The following AATF variants were observed in gnomAD, a reference collection of about 807,000 sequenced individuals.
AATF encodes the protein protein AATF.
Under a neutral mutation model 63.7 loss-of-function variants are expected in AATF, and 48 were observed. That is an observed-to-expected ratio of 0.75 (90% confidence interval 0.60 to 0.96). The LOEUF is 0.96. Among genes scored for constraint, AATF ranks in the 40% least tolerant of loss-of-function variants. The pLI is 0.00. For synonymous variants in AATF, 258 were observed against 247.7 expected, an observed-to-expected ratio of 1.04 and a Z score of -0.39; for missense variants, 639 against 685.7, an observed-to-expected ratio of 0.93 and a Z score of 0.76.
intron 7 of AATF, 125 bp from the exon 8 acceptor site, chr17:36,990,649 T>C: frequency 1.6e-6 from 1 of 638,820 alleles, no homozygotes; most frequent in Non-Finnish European, 2.6e-6. Context: ...TGTTTTTTAA[T>C]TTTAAGAACT....
intron 4 of AATF, among the ~76,000 whole-genome samples, chr17:36,956,264 G>A (rs986216364): frequency 2.6e-5 from 4 of 152,230 alleles, no homozygotes; most frequent in African/African-American, 7.2e-5. Context: ...TCTAAGGTGG[G>A]AGGGTAGGGA....
intron 8 of AATF, among the ~76,000 whole-genome samples, chr17:37,011,220 C>T (rs1208828304): frequency 2.0e-5 from 3 of 151,990 alleles, no homozygotes; most frequent in Non-Finnish European, 4.4e-5. Context: ...AAAATTTATA[C>T]AAAAATTAGC....
chr17:37,036,916 G>T (rs1364633787), intron 11 of AATF, among the ~76,000 whole-genome samples: 1 of 151,804 alleles, frequency 6.6e-6, no homozygotes, highest in Non-Finnish European at 1.5e-5. Flanking sequence ...AAGGGAGGAG[G>T]TTACCATAAG....
At chr17:36,981,752 G>A (rs1229962787) in intron 4 of AATF, among the ~76,000 whole-genome samples, 2 of 127,772 alleles carry the variant, frequency 1.6e-5, no homozygotes, top group Non-Finnish European at 3.2e-5. Context: ...TATATAGGCA[G>A]GTCTCAAACT....
intron 4 of AATF, among the ~76,000 whole-genome samples, chr17:36,977,158 C>T (rs1204867508): frequency 6.6e-6 from 1 of 152,114 alleles, no homozygotes; most frequent in Non-Finnish European, 1.5e-5. Context: ...TTCTGCCATG[C>T]GACTTAGGCA....
chr17:37,054,274 G>T (rs1458915325), intron 11 of AATF, among the ~76,000 whole-genome samples: 1 of 152,214 alleles, frequency 6.6e-6, no homozygotes, highest in African/African-American at 2.4e-5. Context: ...GGGAGTGGAA[G>T]AGTCAGCCAG....
chr17:37,038,511 T>C (rs1294775903), intron 11 of AATF, among the ~76,000 whole-genome samples: 1 of 152,078 alleles, frequency 6.6e-6, no homozygotes, highest in East Asian at 1.9e-4. Context: ...CCAAAGAAAA[T>C]AGGTGTTTGC....
At chr17:36,980,577 G>T (rs985500743) in intron 4 of AATF, among the ~76,000 whole-genome samples, 1 of 152,182 alleles carries the variant, frequency 6.6e-6, no homozygotes, top group Non-Finnish European at 1.5e-5. Flanking sequence ...TTATTCACAG[G>T]GTTGAACAGC....
At chr17:37,007,345 A>G (rs1358115993) in intron 8 of AATF, among the ~76,000 whole-genome samples, 1 of 144,654 alleles carries the variant, frequency 6.9e-6, no homozygotes, top group African/African-American at 2.6e-5. Flanking sequence ...ATGCCACCAC[A>G]CCTGGCTAAT....
chr17:37,014,437 G>A (rs1349857576), intron 8 of AATF, among the ~76,000 whole-genome samples: 4 of 152,200 alleles, frequency 2.6e-5, no homozygotes, highest in South Asian at 4.2e-4. Flanking sequence ...TATGTAGGGC[G>A]ACTGTATAAT....
intron 11 of AATF, among the ~76,000 whole-genome samples, chr17:37,051,415 C>T (rs1478041090): frequency 5.3e-5 from 8 of 152,116 alleles, no homozygotes; most frequent in Admixed American, 3.9e-4. Context: ...TAATATGCTC[C>T]TTTGTACTGT....
intron 4 of AATF, among the ~76,000 whole-genome samples, chr17:36,981,537 G>A (rs767155525): frequency 6.6e-6 from 1 of 151,494 alleles, no homozygotes; most frequent in Non-Finnish European, 1.5e-5. Flanking sequence ...TCGAACTCCT[G>A]GGCTCAAGTG....
intron 8 of AATF, among the ~76,000 whole-genome samples, chr17:37,002,201 C>CAAA (rs34123922): frequency 9.2e-5 from 7 of 76,412 alleles, no homozygotes; most frequent in Admixed American, 2.9e-4. Context: ...GACTCCGTCT[C>CAAA]AAAAAAAAAA....
chr17:36,983,473 G>A (rs1043070417), intron 4 of AATF, among the ~76,000 whole-genome samples: 1 of 151,882 alleles, frequency 6.6e-6, no homozygotes, highest in African/African-American at 2.4e-5. Flanking sequence ...TCAGCCTCCC[G>A]AGTAGCTGAG....
rs529624291 is a variant in AATF, at chr17:37,019,959, A to C, written c.1466+887A>C. ...ACTTTACAATAAAATAGATTATGGT[A>C]ATTAAGATTATATTAAGATTACAGT... is the stretch of plus-strand genomic sequence containing the variant. On this transcript the variant is annotated intron_variant, in intron 9 of 11. Transcript: ENST00000619387. Among the ~76,000 whole-genome samples, 4 of 152,314 alleles carry C rather than the reference A, an allele frequency of 2.6e-5. 1 individual carries two copies. Among genetic ancestry groups the C allele is most frequent in the Middle Eastern group, 6.8e-3 (2 of 294 alleles).
intron 2 of AATF, among the ~76,000 whole-genome samples, chr17:36,951,604 A>T (rs555440385): frequency 3.3e-5 from 5 of 152,228 alleles, no homozygotes; most frequent in African/African-American, 1.2e-4. Context: ...AATTGGTTAC[A>T]TAAGTTTGCT....
At chr17:37,053,984 T>A (rs985901379) in intron 11 of AATF, among the ~76,000 whole-genome samples, 2 of 152,242 alleles carry the variant, frequency 1.3e-5, no homozygotes, top group Non-Finnish European at 2.9e-5. Flanking sequence ...CATTATATAT[T>A]TTGTAACTAT....
intron 11 of AATF, chr17:37,054,577 G>C (rs897613484): frequency 2.6e-5 from 4 of 152,212 alleles, no homozygotes; most frequent in African/African-American, 9.7e-5. Flanking sequence ...AGTGTGAAAT[G>C]ATGTTCTATG....
chr17:36,983,925 C>G (rs1035543100), intron 4 of AATF, among the ~76,000 whole-genome samples: 4 of 152,184 alleles, frequency 2.6e-5, no homozygotes, highest in African/African-American at 4.8e-5. Context: ...TGAGATGGCT[C>G]TCTCAGGTAG....
Sources: allele counts gnomAD v4.1 joint callset (sites outside exome capture counted in the v4.1 genomes callset), GRCh38; gene constraint gnomAD v4.1.1; transcripts MANE v1.5; gene names NCBI Gene and HGNC (gene_info 2026-07-23, HGNC 2026-07-21).